The following MLYCD variants were observed in gnomAD, a reference collection of about 807,000 sequenced individuals.
MLYCD encodes the protein malonyl-CoA decarboxylase, mitochondrial.
MLYCD carries 27 observed loss-of-function variants against 35.8 expected under a neutral mutation model. That is an observed-to-expected ratio of 0.75 (90% CI 0.56 to 1.04). MLYCD has a LOEUF of 1.04. Among genes scored for constraint, MLYCD ranks in the 50% least tolerant of loss-of-function variants. MLYCD has a pLI of 0.00. For missense variants in MLYCD, 917 were observed against 665.1 expected, an observed-to-expected ratio of 1.38 and a Z score of -4.17; for synonymous variants, 403 against 302.4, an observed-to-expected ratio of 1.33 and a Z score of -3.45.
At position 83,926,442 on chromosome 16, in the gene MLYCD, C is replaced by G. The variant is rs1371185057; in HGVS notation, c.*10953C>G. On this transcript the variant is annotated 3_prime_UTR_variant, in exon 5 of 5. Coordinates refer to ENST00000262430, the MANE Select transcript of MLYCD (RefSeq NM_012213.3). ...CTTGGGCGCTTCCATTCTCACACTGCTGCCGTGACACCTAATCCATCCGGG... is the reference window on the plus strand; with the variant it reads ...CTTGGGCGCTTCCATTCTCACACTGGTGCCGTGACACCTAATCCATCCGGG... The G allele has an allele frequency of 6.6e-6, 1 of 152,214 alleles. No homozygotes were observed. The highest frequency in any genetic ancestry group is 1.5e-5 in the Non-Finnish European group (1 of 68,092). The allele number at this position is 152,214 out of a possible 1,614,324, so 9.4% of individuals were successfully genotyped here. A position where few individuals can be genotyped will look rare whatever the true frequency, so the allele number is the denominator to read the frequency against.
chr16:83,908,675 A>C (rs560776393), intron 3 of MLYCD, among the ~76,000 whole-genome samples: 2 of 152,306 alleles, frequency 1.3e-5, no homozygotes, highest in African/African-American at 4.8e-5. Context: ...TGATTAGAAA[A>C]TTGAAAGAGG....
Position 83,911,515 on chromosome 16 carries a change from G to A in MLYCD, c.799-703G>A, listed in dbSNP as rs74736953. Reference sequence around the variant, plus strand: ...TTTGGAGTGTTAAGGATTATGCTTCGGAGTATAAGGGATTAGAAAACGCTG... The same window carrying A: ...TTTGGAGTGTTAAGGATTATGCTTCAGAGTATAAGGGATTAGAAAACGCTG... On this transcript the variant is annotated intron_variant, in intron 3 of 4. Transcript: ENST00000262430. 5.5e-4 allele frequency among the ~76,000 whole-genome samples: 84 copies of A among 152,284 alleles called. 1 individual carries two copies. The East Asian group carries it at 0.014, about 26-fold the overall frequency.
chr16:83,910,391 A>T (rs1450141380), intron 3 of MLYCD, among the ~76,000 whole-genome samples: 1 of 151,718 alleles, frequency 6.6e-6, no homozygotes, highest in African/African-American at 2.4e-5. Context: ...CAGACTTCTT[A>T]AAAAACAAAG....
At position 83,902,151 on chromosome 16, in the gene MLYCD, G is replaced by A. The variant is rs1316084262; in HGVS notation, c.528+2479G>A. 5.6e-5 allele frequency among the ~76,000 whole-genome samples: 6 copies of A among 106,814 alleles called. 1 individual carries two copies. Among genetic ancestry groups the A allele is most frequent in the Non-Finnish European group, 1.1e-4 (6 of 54,620 alleles). The allele number at this position is 106,814 out of a possible 152,430, so 70.1% of individuals were successfully genotyped here. ...TGTATATGTGTGTGTGTGTGTGTGC[G>A]TGCGTATATATATATATATATATAT... is the stretch of plus-strand genomic sequence containing the variant. On this transcript the variant is annotated intron_variant, in intron 1 of 4. Transcript: ENST00000262430.
chr16:83,902,228 TTTA>T (rs1237264933), intron 1 of MLYCD, among the ~76,000 whole-genome samples: 2 of 148,034 alleles, frequency 1.4e-5, no homozygotes, highest in African/African-American at 4.9e-5. Flanking sequence ...TTTGTTTGTG[TTTA>T]TTTTTTTGTT....
Position 83,923,048 on chromosome 16 carries a change from C to G in MLYCD, c.*7559C>G, listed in dbSNP as rs1204980117. 1 of 152,276 alleles carries G rather than the reference C, an allele frequency of 6.6e-6. No individual in the cohort carries two copies. Among genetic ancestry groups the G allele is most frequent in the Non-Finnish European group, 1.5e-5 (1 of 68,098 alleles). 9.4% of individuals were successfully genotyped at this position (152,276 alleles called of 1,614,324 possible). A position where few individuals can be genotyped will look rare whatever the true frequency, so the allele number is the denominator to read the frequency against. On this transcript the variant is annotated 3_prime_UTR_variant, in exon 5 of 5. Coordinates refer to ENST00000262430, the MANE Select transcript of MLYCD (RefSeq NM_012213.3). ...CCTCAGAATCTGAACTCCCTGTGGT[C>G]ACTCTGAGGCCTCTCTGTCTCTCTG...
rs1907376738 is a variant in MLYCD at position 83,916,108 on chromosome 16, G to A, written c.*619G>A. 3 of 994,136 alleles carry A rather than the reference G, an allele frequency of 3.0e-6. No homozygotes were observed. The highest frequency in any genetic ancestry group is 4.5e-5 in the South Asian group (1 of 22,160). The allele number at this position is 994,136 out of a possible 1,614,324, so 61.6% of individuals were successfully genotyped here. On this transcript the variant is annotated 3_prime_UTR_variant, in exon 5 of 5. Transcript: ENST00000262430. The stretch of plus-strand genomic sequence containing the variant: ...GCTTGAGGCATAAGTTGGATAATAG[G>A]CTTTAAATGATCAGGGATTCAGGTT...
intron 1 of MLYCD, among the ~76,000 whole-genome samples, chr16:83,905,890 C>T (rs970449677): frequency 3.9e-5 from 6 of 152,236 alleles, no homozygotes; most frequent in Admixed American, 1.3e-4. Context: ...CGACGCTGCT[C>T]CTGCTCAGGG....
At chr16:83,910,013 C>G (rs994079882) in intron 3 of MLYCD, among the ~76,000 whole-genome samples, 1 of 152,010 alleles carries the variant, frequency 6.6e-6, no homozygotes, top group South Asian at 2.1e-4. Flanking sequence ...CAAGTAAGGG[C>G]GGAACTGGAA....
At chr16:83,906,934 T>C in intron 1 of MLYCD, 53 bp from the exon 2 acceptor site, 4 of 1,448,644 alleles carry the variant, frequency 2.8e-6, no homozygotes, top group Non-Finnish European at 3.9e-6. Context: ...AACACAGAGA[T>C]GGGCTTGATC....
At chr16:83,908,353 G>C (rs1403915617) in intron 3 of MLYCD, 71 bp downstream of exon 3, 2 of 1,492,428 alleles carry the variant, frequency 1.3e-6, no homozygotes, top group Non-Finnish European at 1.8e-6. Flanking sequence ...GTTTTGTTTT[G>C]TTTTTACTTG....
Position 83,915,686 on chromosome 16 carries a change from G to A in MLYCD, c.*197G>A, listed in dbSNP as rs1907359213. On this transcript the variant is annotated 3_prime_UTR_variant, in exon 5 of 5. Coordinates refer to ENST00000262430, the MANE Select transcript of MLYCD (RefSeq NM_012213.3). ...GCGTGACATGCACCCAGTGCAAGAC[G>A]GTTGTGGGTGCGGGTGCACACAAAT... 4.8e-6 allele frequency: 7 copies of A among 1,467,160 alleles called. No individual in the cohort carries two copies. The highest frequency in any genetic ancestry group is 2.5e-5 in the East Asian group (1 of 39,750). The allele number at this position is 1,467,160 out of a possible 1,614,324, so 90.9% of individuals were successfully genotyped here. A position where few individuals can be genotyped will look rare whatever the true frequency, so the allele number is the denominator to read the frequency against.
At position 83,915,903 on chromosome 16, in the gene MLYCD, C is replaced by G. The variant is rs567659381; in HGVS notation, c.*414C>G. ...AGATAAGAATAGGTGTTCCTTTGTG[C>G]TCATAAAACAGAATGCGGCGATGGT... On this transcript the variant is annotated 3_prime_UTR_variant, in exon 5 of 5. Coordinates refer to ENST00000262430, the MANE Select transcript of MLYCD (RefSeq NM_012213.3). 2.1e-4 allele frequency: 230 copies of G among 1,104,820 alleles called. No individual in the cohort carries two copies. The African/African-American group carries it at 3.3e-3, about 16-fold the overall frequency. 68.4% of individuals were successfully genotyped at this position (1,104,820 alleles called of 1,614,324 possible). A position where few individuals can be genotyped will look rare whatever the true frequency, so the allele number is the denominator to read the frequency against.
In MLYCD at chr16:83,915,925, T is replaced by C. The variant is rs1226649880; in HGVS notation, c.*436T>C. ...GTGCTCATAAAACAGAATGCGGCGATGGTTGCTTTAGCCGTTTCTCACCAT... is the reference window on the plus strand; with the variant it reads ...GTGCTCATAAAACAGAATGCGGCGACGGTTGCTTTAGCCGTTTCTCACCAT... On this transcript the variant is annotated 3_prime_UTR_variant, in exon 5 of 5. Transcript: ENST00000262430. The C allele has an allele frequency of 9.3e-7, 1 of 1,079,004 alleles. No individual in the cohort carries two copies. Among genetic ancestry groups the C allele is most frequent in the African/African-American group, 1.6e-5 (1 of 61,468 alleles). The allele number at this position is 1,079,004 out of a possible 1,614,324, so 66.8% of individuals were successfully genotyped here.
chr16:83,904,022 C>A (rs1906888318), intron 1 of MLYCD, among the ~76,000 whole-genome samples: 1 of 152,150 alleles, frequency 6.6e-6, no homozygotes, highest in South Asian at 2.1e-4. Flanking sequence ...AGACTTCTAA[C>A]CTTTAGCCTG....
chr16:83,905,768 TG>T (rs1015723630), intron 1 of MLYCD, among the ~76,000 whole-genome samples: 34 of 152,226 alleles, frequency 2.2e-4, no homozygotes, highest in African/African-American at 6.8e-4. Context: ...GTGCAATCTT[TG>T]TTCTGGACAG....
chr16:83,908,528 T>C (rs1481080777), intron 3 of MLYCD, among the ~76,000 whole-genome samples: 1 of 152,176 alleles, frequency 6.6e-6, no homozygotes, highest in Non-Finnish European at 1.5e-5. Context: ...TAGGTTGAGA[T>C]ACAGTTAAAG....
intron 3 of MLYCD, among the ~76,000 whole-genome samples, chr16:83,908,986 C>A (rs576378776): frequency 1.3e-5 from 2 of 152,314 alleles, no homozygotes; most frequent in African/African-American, 4.8e-5. Context: ...GATGATGGCC[C>A]ATCACAAGAT....
rs750187634 is a variant in MLYCD at position 83,915,141 on chromosome 16, C to A, written c.1134C>A (p.Leu378=). The change falls in exon 5 of 5, where the codon CTC becomes CTA. Residue 378 remains leucine (L), a synonymous_variant. Transcript: ENST00000262430. ...GGPINETLKL[L]LSSSEWVQSE... ...CCATTAACGAGACCCTCAAGCTCCT[C>A]CTCAGCAGCAGCGAGTGGGTGCAGT... is the stretch of plus-strand genomic sequence containing the variant. The A allele has an allele frequency of 1.2e-6, 2 of 1,614,260 alleles. No individual in the cohort carries two copies. The highest frequency in any genetic ancestry group is 1.7e-6 in the Non-Finnish European group (2 of 1,180,046).
Sources: gnomAD v4.1 joint callset for allele counts (sites outside exome capture counted in the v4.1 genomes callset) on GRCh38, gnomAD v4.1.1 for gene constraint, MANE v1.5 for transcripts, NCBI Gene and HGNC (gene_info 2026-07-23, HGNC 2026-07-21) for gene names.